CCDC30: variants seen among roughly 807,000 people sequenced by gnomAD.
CCDC30 encodes the protein coiled-coil domain-containing protein 30.
In CCDC30, 70 loss-of-function variants were observed where a neutral mutation model predicts 100.2. The observed-to-expected ratio is 0.70, with a 90% CI of 0.58 to 0.85. The LOEUF is 0.85. Among genes scored for constraint, CCDC30 ranks in the 40% least tolerant of loss-of-function variants. CCDC30 has a pLI of 0.00. For missense variants in CCDC30, 652 were observed against 771.2 expected, an observed-to-expected ratio of 0.85 and a Z score of 1.83; for synonymous variants, 233 against 269.5, an observed-to-expected ratio of 0.86 and a Z score of 1.33.
In CCDC30 at chr1:42,644,813, A is replaced by G; in HGVS notation, c.1671+6A>G. 6.4e-7 allele frequency: 1 copy of G among 1,564,788 alleles called. No individual in the cohort carries two copies. Among genetic ancestry groups the G allele is most frequent in the Non-Finnish European group, 8.8e-7 (1 of 1,135,000 alleles). The stretch of plus-strand genomic sequence containing the variant: ...TCCATATTCGCAGAGGAGAGGTAAG[A>G]TGTGTGCTTCCTATTGGGCCTGCCT... On this transcript the variant is annotated splice_donor_region_variant and intron_variant, in intron 14 of 16. Transcript: ENST00000668663.
intron 6 of CCDC30, 30 bp from the exon 7 acceptor site, chr1:42,536,446 A>G: frequency 7.1e-7 from 1 of 1,408,196 alleles, no homozygotes; most frequent in South Asian, 1.3e-5. Flanking sequence ...TATTATATAT[A>G]AAATTAATTA....
At chr1:42,581,987 C>T (rs1264547877) in intron 9 of CCDC30, among the ~76,000 whole-genome samples, 7 of 149,946 alleles carry the variant, frequency 4.7e-5, no homozygotes, top group Middle Eastern at 3.4e-3. Flanking sequence ...TCCGGGATGC[C>T]GAGGTAGGAG....
intron 1 of CCDC30, among the ~76,000 whole-genome samples, chr1:42,479,582 A>AG (rs1643926060): frequency 6.6e-6 from 1 of 150,698 alleles, no homozygotes; most frequent in African/African-American, 2.4e-5. Context: ...AAAAAAAAAA[A>AG]GCCTCCCAAA....
At position 42,619,127 on chromosome 1, in the gene CCDC30, C is replaced by T. The variant is rs115075471; in HGVS notation, c.1277+8037C>T. Among the ~76,000 whole-genome samples, 714 of 152,296 alleles carry T rather than the reference C, an allele frequency of 4.7e-3. 3 individuals carry two copies. Among genetic ancestry groups the T allele is most frequent in the African/African-American group, 0.016 (681 of 41,568 alleles). On this transcript the variant is annotated intron_variant, in intron 11 of 16. Coordinates refer to ENST00000668663, the Ensembl canonical transcript of CCDC30. ...TGGGTACAACCCCAGCAGTCAATCA[C>T]TCCGGCATGCACTGACAAGCAAGCT...
At chr1:42,550,056 TTTCTTCCCCAG>T (rs1191205764) in intron 6 of CCDC30, among the ~76,000 whole-genome samples, 1 of 152,156 alleles carries the variant, frequency 6.6e-6, no homozygotes, top group East Asian at 1.9e-4. Flanking sequence ...CTCCAAACTA[TTTCTTCCCCAG>T]TCCAATCTGT....
intron 15 of CCDC30, among the ~76,000 whole-genome samples, chr1:42,650,497 A>ATGTGTGTGTGTG (rs57051349): frequency 0.021 from 2,822 of 136,194 alleles, 52 homozygotes; most frequent in Non-Finnish European, 0.03. Context: ...AAAAATATAT[A>ATGTGTGTGTGTG]TGTGTGTGTG....
chr1:42,601,702 C>G (rs920983698), intron 10 of CCDC30, among the ~76,000 whole-genome samples: 4 of 152,046 alleles, frequency 2.6e-5, no homozygotes, highest in African/African-American at 9.7e-5. Context: ...CAAACACACC[C>G]TAGAAAGACA....
intron 3 of CCDC30, among the ~76,000 whole-genome samples, chr1:42,483,945 C>T (rs548814633): frequency 9.9e-5 from 15 of 151,936 alleles, no homozygotes; most frequent in Admixed American, 9.2e-4. Context: ...TTTATATTTA[C>T]ATCTTTGCTT....
intron 6 of CCDC30, among the ~76,000 whole-genome samples, chr1:42,530,622 G>A (rs947910434): frequency 6.6e-6 from 1 of 152,076 alleles, no homozygotes; most frequent in African/African-American, 2.4e-5. Context: ...ACTAGCCTGG[G>A]AAATATAATG....
In CCDC30 at chr1:42,615,805, G is replaced by A. The variant is rs188720602; in HGVS notation, c.1277+4715G>A. Among the ~76,000 whole-genome samples the A allele has an allele frequency of 4.5e-3, 678 of 152,200 alleles. 1 individual carries two copies. The highest frequency in any genetic ancestry group is 7.4e-3 in the Non-Finnish European group (502 of 68,002). ...TGTACTTCCTGTCAACCTTGTTGGGGCAGCTTCATACTCTTTTGTGTCTGA... is the reference window on the plus strand; with the variant it reads ...TGTACTTCCTGTCAACCTTGTTGGGACAGCTTCATACTCTTTTGTGTCTGA... On this transcript the variant is annotated intron_variant, in intron 11 of 16. Coordinates refer to ENST00000668663, the Ensembl canonical transcript of CCDC30.
At chr1:42,516,590 A>T (rs1644558248) in intron 6 of CCDC30, among the ~76,000 whole-genome samples, 1 of 150,790 alleles carries the variant, frequency 6.6e-6, no homozygotes, top group South Asian at 2.1e-4. Flanking sequence ...AAAAAAAAAA[A>T]GAATCTGACT....
intron 4 of CCDC30, among the ~76,000 whole-genome samples, chr1:42,494,501 A>G (rs1486355960): frequency 6.6e-6 from 1 of 152,226 alleles, no homozygotes; most frequent in African/African-American, 2.4e-5. Flanking sequence ...CAAAATTGAC[A>G]AATGGGATCT....
chr1:42,579,347 T>A (rs1570131847), intron 8 of CCDC30, among the ~76,000 whole-genome samples: 1 of 150,268 alleles, frequency 6.7e-6, no homozygotes, highest in Non-Finnish European at 1.5e-5. Context: ...CCAGGTGAGG[T>A]GAATGGCCAG....
At chr1:42,628,508 C>T (rs941731622) in intron 11 of CCDC30, among the ~76,000 whole-genome samples, 3 of 152,012 alleles carry the variant, frequency 2.0e-5, no homozygotes, top group Non-Finnish European at 2.9e-5. Flanking sequence ...GGCTTTGTCC[C>T]CACCCAAATC....
chr1:42,586,571 T>TTAGG, intron 9 of CCDC30, among the ~76,000 whole-genome samples: 1 of 152,214 alleles, frequency 6.6e-6, no homozygotes, highest in South Asian at 2.1e-4. Flanking sequence ...TCCCAAAGTG[T>TTAGG]TAGGAGGTGT....
At chr1:42,639,298 T>A (rs1312287893) in intron 12 of CCDC30, among the ~76,000 whole-genome samples, 2 of 152,130 alleles carry the variant, frequency 1.3e-5, no homozygotes, top group African/African-American at 4.8e-5. Context: ...GAGACTGGAA[T>A]GATACAGCTA....
At chr1:42,656,991 C>T (rs1219041781), downstream of CCDC30, among the ~76,000 whole-genome samples, 1 of 152,108 alleles carries the variant, frequency 6.6e-6, no homozygotes, top group Non-Finnish European at 1.5e-5. Context: ...TCCTTTTCCC[C>T]CTCCTCCCCT....
At chr1:42,480,800 A>C (rs916504172) in intron 2 of CCDC30, among the ~76,000 whole-genome samples, 7 of 152,126 alleles carry the variant, frequency 4.6e-5, no homozygotes, top group African/African-American at 7.2e-5. Context: ...TCACCTTAGA[A>C]GTATTTTGTT....
At chr1:42,607,647 T>C (rs1344827236) in intron 10 of CCDC30, among the ~76,000 whole-genome samples, 2 of 150,018 alleles carry the variant, frequency 1.3e-5, no homozygotes, top group Non-Finnish European at 1.5e-5. Flanking sequence ...GAAAGTGCCC[T>C]GTTCTGGGAA....
Sources: allele counts gnomAD v4.1 joint callset (sites outside exome capture counted in the v4.1 genomes callset), GRCh38; gene constraint gnomAD v4.1.1; transcripts MANE v1.5; gene names NCBI Gene and HGNC (gene_info 2026-07-23, HGNC 2026-07-21).